Variants in NAALADL2 observed in about 807,000 individuals in gnomAD.
NAALADL2 encodes the protein N-acetylated alpha-linked acidic dipeptidase like 2.
In NAALADL2, 76 loss-of-function variants were observed where a neutral mutation model predicts 87.2. The observed-to-expected ratio is 0.87, with a 90% CI of 0.72 to 1.05. The LOEUF is 1.05. Ranked by LOEUF, NAALADL2 falls within the 50% of genes least tolerant of loss-of-function variation. NAALADL2 has a pLI of 0.00. For missense variants in NAALADL2, 1,089 were observed against 945.8 expected (o/e 1.15, Z -1.99); for synonymous variants, 354 against 331.0 (o/e 1.07, Z -0.75).
intron 5 of NAALADL2, among the ~76,000 whole-genome samples, chr3:175,423,001 GGCTCC>G (rs1415352192): frequency 7.9e-6 from 1 of 126,072 alleles, no homozygotes; most frequent in Non-Finnish European, 1.6e-5. Flanking sequence ...TCAAAGAGAT[GGCTCC>G]CAGGTCCTTA....
chr3:175,447,255 A>C lies in NAALADL2; in HGVS notation c.1117A>C (p.Asn373His). ...VDESFRQSRS[N>H]LTSLLVQPIS... ...TGAAAGTTTTAGACAAAGCCGATCA[A>C]ACCTCACCTCTCTATTAGTGCAGCC... Residue 373 changes from asparagine to histidine, a missense_variant, in exon 6 of 14, where the codon AAC becomes CAC. Physicochemically the swap from Asn to His is moderately conservative, Grantham distance 68. Transcript: ENST00000454872. 6.2e-7 allele frequency: 1 copy of C among 1,600,320 alleles called. No homozygotes were observed. Among genetic ancestry groups the C allele is most frequent in the Non-Finnish European group, 8.5e-7 (1 of 1,174,986 alleles).
At chr3:174,542,302 AG>A (rs1722317803) in intron 1 of NAALADL2, among the ~76,000 whole-genome samples, 1 of 152,144 alleles carries the variant, frequency 6.6e-6, no homozygotes, top group Non-Finnish European at 1.5e-5. Context: ...CTTAAGTTTA[AG>A]GGAGTTGCAA....
At chr3:174,987,526 G>A (rs1294081769) in intron 1 of NAALADL2, among the ~76,000 whole-genome samples, 4 of 105,528 alleles carry the variant, frequency 3.8e-5, no homozygotes, top group African/African-American at 8.4e-5. Flanking sequence ...CCGAGATTGC[G>A]CCACTGCACT....
At chr3:174,749,256 T>C (rs1305644875) in intron 3 of NAALADL2, among the ~76,000 whole-genome samples, 3 of 152,176 alleles carry the variant, frequency 2.0e-5, no homozygotes, top group Non-Finnish European at 4.4e-5. Flanking sequence ...AGCATCTGTT[T>C]TGTAATCATT....
intron 5 of NAALADL2, among the ~76,000 whole-genome samples, chr3:175,385,252 A>C (rs1027990856): frequency 6.6e-6 from 1 of 152,114 alleles, no homozygotes. Context: ...ATTTTCATGA[A>C]TGTCTCCCAA....
chr3:174,816,191 A>G (rs1029528408), intron 3 of NAALADL2, among the ~76,000 whole-genome samples: 2 of 151,474 alleles, frequency 1.3e-5, no homozygotes, highest in African/African-American at 4.8e-5. Flanking sequence ...TTCTACTCCT[A>G]TCCTCTTCTT....
chr3:175,244,676 A>C (rs1455464861), intron 3 of NAALADL2, among the ~76,000 whole-genome samples: 1 of 152,210 alleles, frequency 6.6e-6, no homozygotes, highest in Non-Finnish European at 1.5e-5. Flanking sequence ...CATTTGGTAC[A>C]GTTCCTCATT....
chr3:174,738,601 G>T (rs781772211), intron 3 of NAALADL2, among the ~76,000 whole-genome samples: 27 of 152,126 alleles, frequency 1.8e-4, no homozygotes, highest in African/African-American at 5.1e-4. Flanking sequence ...AATGGTCAAA[G>T]AAATAAGTTG....
At chr3:175,034,765 C>CAA (rs1282793229) in intron 1 of NAALADL2, among the ~76,000 whole-genome samples, 1 of 152,136 alleles carries the variant, frequency 6.6e-6, no homozygotes, top group African/African-American at 2.4e-5. Flanking sequence ...ACTCATCTAT[C>CAA]AAACAGGAAT....
chr3:175,160,360 CTTTTTTTT>C (rs71164618), intron 2 of NAALADL2, among the ~76,000 whole-genome samples: 85 of 57,026 alleles, frequency 1.5e-3, no homozygotes, highest in African/African-American at 4.1e-3. Flanking sequence ...TCTTTTCTTT[CTTTTTTTT>C]TTTTTTTTTT....
At chr3:174,859,297 CA>C (rs1204446801), upstream of NAALADL2, 3 of 740,042 alleles carry the variant, frequency 4.1e-6, no homozygotes, top group Non-Finnish European at 6.9e-6. Flanking sequence ...CAGAAGAAAG[CA>C]GGTAGTATAC....
chr3:175,501,424 G>GACACAC (rs61284771), intron 9 of NAALADL2, among the ~76,000 whole-genome samples: 2 of 148,818 alleles, frequency 1.3e-5, no homozygotes, highest in Non-Finnish European at 1.5e-5. Context: ...ATACGTTTTA[G>GACACAC]ACACACACAC....
chr3:174,805,191 T>C (rs1719317641), intron 3 of NAALADL2, among the ~76,000 whole-genome samples: 1 of 152,132 alleles, frequency 6.6e-6, no homozygotes, highest in African/African-American at 2.4e-5. Context: ...TTAGAAAAGG[T>C]AAAACCAAGT....
chr3:175,188,435 T>C (rs1487367926), intron 2 of NAALADL2, among the ~76,000 whole-genome samples: 1 of 152,092 alleles, frequency 6.6e-6, no homozygotes, highest in Non-Finnish European at 1.5e-5. Context: ...TGACCTCCAG[T>C]GCCTGAGTTG....
intron 13 of NAALADL2, among the ~76,000 whole-genome samples, chr3:175,792,758 T>C (rs566758227): frequency 2.6e-5 from 4 of 152,334 alleles, no homozygotes; most frequent in Admixed American, 6.5e-5. Flanking sequence ...AGATGTTAGG[T>C]TGGATCGATG....
At chr3:174,477,077 A>T (rs1359770888) in intron 1 of NAALADL2, among the ~76,000 whole-genome samples, 1 of 152,074 alleles carries the variant, frequency 6.6e-6, no homozygotes, top group Non-Finnish European at 1.5e-5. Context: ...AGCCTGGGCA[A>T]CAAGTGTGAA....
intron 3 of NAALADL2, among the ~76,000 whole-genome samples, chr3:174,826,034 C>T (rs1282701010): frequency 6.8e-6 from 1 of 146,090 alleles, no homozygotes; most frequent in East Asian, 2.0e-4. Context: ...TCTCAAACAA[C>T]AACAACAACA....
At chr3:175,291,876 G>A (rs1193589500) in intron 4 of NAALADL2, among the ~76,000 whole-genome samples, 1 of 152,122 alleles carries the variant, frequency 6.6e-6, no homozygotes, top group African/African-American at 2.4e-5. Context: ...ATAAGAGGCT[G>A]AGGATAATTA....
chr3:175,604,321 T>TTTG (rs60686102), intron 10 of NAALADL2, among the ~76,000 whole-genome samples: 1 of 97,196 alleles, frequency 1.0e-5, no homozygotes, highest in Admixed American at 1.1e-4. Context: ...TTTTTTTTTT[T>TTTG]GAGACAGAGT....
Sources: allele counts gnomAD v4.1 joint callset (sites outside exome capture counted in the v4.1 genomes callset), GRCh38; gene constraint gnomAD v4.1.1; transcripts MANE v1.5; gene names NCBI Gene and HGNC (gene_info 2026-07-23, HGNC 2026-07-21).